Variants in ZNF804A observed in about 807,000 individuals in gnomAD.
The protein encoded by ZNF804A is zinc finger protein 804A.
A neutral mutation model predicts 16.5 loss-of-function variants in ZNF804A; 2 were observed. That is an observed-to-expected ratio of 0.12 (90% CI 0.05 to 0.38). ZNF804A has a LOEUF of 0.38. Among genes scored for constraint, ZNF804A ranks in the 10% least tolerant of loss-of-function variants. The pLI, the probability that ZNF804A is intolerant of heterozygous loss-of-function variation, is 0.99. For synonymous variants in ZNF804A, 534 were observed against 489.6 expected (o/e 1.09, Z -1.20); for missense variants, 1,473 against 1,390.7 (o/e 1.06, Z -0.94).
chr2:184,759,811 G>A (rs777866845), intron 1 of ZNF804A, among the ~76,000 whole-genome samples: 2 of 151,776 alleles, frequency 1.3e-5, no homozygotes, highest in Non-Finnish European at 2.9e-5. Flanking sequence ...CTCCCCCACT[G>A]AGCACCCCAC....
intron 1 of ZNF804A, among the ~76,000 whole-genome samples, chr2:184,773,003 T>G (rs1213781992): frequency 6.8e-6 from 1 of 147,664 alleles, no homozygotes; most frequent in Admixed American, 6.8e-5. Flanking sequence ...GGTGTGTGTG[T>G]GTATATATAT....
intron 2 of ZNF804A, among the ~76,000 whole-genome samples, chr2:184,869,756 A>G (rs1286764522): frequency 1.3e-5 from 2 of 151,978 alleles, no homozygotes; most frequent in South Asian, 2.1e-4. Flanking sequence ...CATCCAGGTA[A>G]TCTGGACCTA....
chr2:184,733,150 C>T (rs1391717683), intron 1 of ZNF804A, among the ~76,000 whole-genome samples: 1 of 152,050 alleles, frequency 6.6e-6, no homozygotes, highest in Non-Finnish European at 1.5e-5. Flanking sequence ...AAGTATGATG[C>T]TAGCTATAGA....
At chr2:184,824,120 C>G (rs1695125842) in intron 1 of ZNF804A, among the ~76,000 whole-genome samples, 1 of 152,050 alleles carries the variant, frequency 6.6e-6, no homozygotes. Context: ...CTGTGGCTGT[C>G]CTCTTTAAAA....
chr2:184,660,203 A>G (rs1692146541), intron 1 of ZNF804A, among the ~76,000 whole-genome samples: 2 of 152,336 alleles, frequency 1.3e-5, no homozygotes, highest in East Asian at 1.9e-4. Flanking sequence ...AACACATAAC[A>G]TTTTGAAATT....
intron 2 of ZNF804A, among the ~76,000 whole-genome samples, chr2:184,885,260 C>T (rs1684870593): frequency 6.6e-6 from 1 of 152,164 alleles, no homozygotes; most frequent in Admixed American, 6.5e-5. Context: ...ACTAGTTCAA[C>T]CACCGTGGAA....
intron 1 of ZNF804A, among the ~76,000 whole-genome samples, chr2:184,753,855 G>T (rs2105759857): frequency 6.6e-6 from 1 of 151,892 alleles, no homozygotes; most frequent in South Asian, 2.1e-4. Context: ...TCCTTGCTAA[G>T]TATCCAGAGA....
At chr2:184,613,055 T>C (rs1430341185) in intron 1 of ZNF804A, among the ~76,000 whole-genome samples, 6 of 152,254 alleles carry the variant, frequency 3.9e-5, no homozygotes, top group Admixed American at 3.3e-4. Context: ...TGAACAATTA[T>C]TTGCCTTTCA....
intron 2 of ZNF804A, among the ~76,000 whole-genome samples, chr2:184,870,006 T>A (rs890827566): frequency 6.6e-6 from 1 of 151,588 alleles, no homozygotes; most frequent in Admixed American, 6.6e-5. Context: ...TTTGTTTGAA[T>A]TTTTTTTTAA....
intron 2 of ZNF804A, among the ~76,000 whole-genome samples, chr2:184,904,786 A>G (rs1201361390): frequency 6.6e-6 from 1 of 152,054 alleles, no homozygotes; most frequent in Non-Finnish European, 1.5e-5. Context: ...GAGAAATGAT[A>G]TGATTTTTAT....
intron 1 of ZNF804A, among the ~76,000 whole-genome samples, chr2:184,655,872 G>A (rs1451801706): frequency 6.6e-6 from 1 of 152,018 alleles, no homozygotes; most frequent in African/African-American, 2.4e-5. Context: ...TTGGTCTATG[G>A]AGTATTTGAA....
chr2:184,824,486 A>G (rs1695129668), intron 1 of ZNF804A, among the ~76,000 whole-genome samples: 1 of 152,102 alleles, frequency 6.6e-6, no homozygotes, highest in Admixed American at 6.6e-5. Context: ...AGAAAAAAAA[A>G]ACAGAATGGA....
intron 1 of ZNF804A, among the ~76,000 whole-genome samples, chr2:184,783,138 GTTT>G (rs57207733): frequency 7.0e-5 from 6 of 86,120 alleles, no homozygotes; most frequent in African/African-American, 2.4e-4. Context: ...AAAAGAGTGA[GTTT>G]TTTTTTTTTT....
intron 1 of ZNF804A, among the ~76,000 whole-genome samples, chr2:184,855,784 G>T (rs1027776238): frequency 4.6e-5 from 7 of 151,968 alleles, no homozygotes; most frequent in African/African-American, 1.7e-4. Context: ...AGACACAGTT[G>T]TTCATGTCAG....
intron 1 of ZNF804A, among the ~76,000 whole-genome samples, chr2:184,723,017 A>G (rs894971273): frequency 1.3e-5 from 2 of 151,966 alleles, no homozygotes; most frequent in South Asian, 2.1e-4. Context: ...ACCATCTGGC[A>G]TAATACAAAA....
chr2:184,764,119 A>C (rs1694082729), intron 1 of ZNF804A, among the ~76,000 whole-genome samples: 1 of 152,146 alleles, frequency 6.6e-6, no homozygotes, highest in Non-Finnish European at 1.5e-5. Context: ...TATAAAACCC[A>C]ACTAAATACA....
chr2:184,876,496 G>T (rs1000316492), intron 2 of ZNF804A, among the ~76,000 whole-genome samples: 1 of 152,072 alleles, frequency 6.6e-6, no homozygotes, highest in African/African-American at 2.4e-5. Flanking sequence ...CATACAGTTT[G>T]CTCCTACAGA....
intron 1 of ZNF804A, among the ~76,000 whole-genome samples, chr2:184,642,408 A>G (rs1691808483): frequency 6.6e-6 from 1 of 152,120 alleles, no homozygotes; most frequent in South Asian, 2.1e-4. Context: ...ATTGAATCAG[A>G]CATACTAGCT....
At chr2:184,721,356 G>A (rs1325151842) in intron 1 of ZNF804A, among the ~76,000 whole-genome samples, 1 of 151,952 alleles carries the variant, frequency 6.6e-6, no homozygotes, top group Non-Finnish European at 1.5e-5. Flanking sequence ...TCTAACAAGG[G>A]ACTAATGCCT....
Sources: gnomAD v4.1 joint callset for allele counts (sites outside exome capture counted in the v4.1 genomes callset) on GRCh38, gnomAD v4.1.1 for gene constraint, MANE v1.5 for transcripts, NCBI Gene and HGNC (gene_info 2026-07-23, HGNC 2026-07-21) for gene names.